The following FRMPD4 variants were observed in gnomAD, a reference collection of about 807,000 sequenced individuals.
FRMPD4 encodes FERM and PDZ domain containing 4.
Under a neutral mutation model 94.1 loss-of-function variants are expected in FRMPD4, and 22 were observed. The ratio of observed to expected loss-of-function variants is 0.23; its 90% confidence interval spans 0.17 to 0.33. The LOEUF (loss-of-function observed/expected upper bound fraction) is 0.33, where lower values mean the gene tolerates loss of function less well. Ranked by LOEUF, FRMPD4 falls within the 10% of genes least tolerant of loss-of-function variation. The probability of loss-of-function intolerance (pLI) is 1.00; values close to 1 mark genes in which losing one functional copy is unlikely to be tolerated. For missense variants in FRMPD4, 1,111 were observed against 1,339.9 expected, an observed-to-expected ratio of 0.83 and a Z score of 2.67; for synonymous variants, 631 against 548.6, an observed-to-expected ratio of 1.15 and a Z score of -2.10.
At chrX:12,068,402 T>C (rs1352312031) in intron 3 of FRMPD4, among the ~76,000 whole-genome samples, 1 of 112,181 alleles carries the variant, frequency 8.9e-6, no homozygotes, top group African/African-American at 3.2e-5. Flanking sequence ...GAAAGCTACT[T>C]TTCTCTGATT....
At chrX:12,165,189 C>A (rs2056093992) in intron 1 of FRMPD4, among the ~76,000 whole-genome samples, 2 of 112,193 alleles carry the variant, frequency 1.8e-5, no homozygotes, top group African/African-American at 6.5e-5. Flanking sequence ...TTAGGTCTAA[C>A]ATGTAAGTCT....
chrX:12,680,342 C>A (rs1208180293), intron 5 of FRMPD4, among the ~76,000 whole-genome samples: 1 of 112,314 alleles, frequency 8.9e-6, no homozygotes. Flanking sequence ...CTACAGGTTG[C>A]TCAGAATTAA....
chrX:12,083,575 C>A (rs1191251851), intron 3 of FRMPD4, among the ~76,000 whole-genome samples: 1 of 112,290 alleles, frequency 8.9e-6, no homozygotes, highest in Non-Finnish European at 1.9e-5. Context: ...ATCCTCCAGA[C>A]CCCAGAATGG....
chrX:12,637,545 G>A (rs2059454295), intron 4 of FRMPD4, among the ~76,000 whole-genome samples: 1 of 111,096 alleles, frequency 9.0e-6, no homozygotes, highest in African/African-American at 3.3e-5. Context: ...AGCCAAGTGT[G>A]ATGGTATGCC....
Position 12,720,896 on chromosome X carries a change from C to T in FRMPD4, c.4327C>T (p.Arg1443Ter). The T allele has an allele frequency of 1.2e-6, 1 of 838,518 alleles. No individual in the cohort carries two copies. Among genetic ancestry groups the T allele is most frequent in the Non-Finnish European group, 1.4e-6 (1 of 691,726 alleles). The allele number at this position is 838,518 out of a possible 1,213,427, so 69.1% of individuals were successfully genotyped here. Residue 1443 changes from arginine (R) to a stop codon, truncating the protein, a stop_gained, in exon 17 of 17, where the codon CGA (arginine) becomes TGA (stop). Coordinates refer to ENST00000675598, the MANE Select transcript of FRMPD4 (RefSeq NM_001368397.1). LOFTEE classifies it high-confidence loss of function. ...AGCACAGGAGGCCAGTTCTGAAAGG[C>T]GAGCAGAACTCCCCCTGGGGAGGAA... ...TEAQEASSER[R>*]AELPLGRKLT...
chrX:12,435,285 C>A (rs2057052681), intron 1 of FRMPD4, among the ~76,000 whole-genome samples: 1 of 111,501 alleles, frequency 9.0e-6, no homozygotes, highest in African/African-American at 3.3e-5. Flanking sequence ...TTATTTCTTC[C>A]TTTACAATCC....
chrX:12,226,357 C>T (rs1253724732), intron 1 of FRMPD4, among the ~76,000 whole-genome samples: 1 of 111,591 alleles, frequency 9.0e-6, no homozygotes, highest in Non-Finnish European at 1.9e-5. Flanking sequence ...AAACTTGGCT[C>T]AATGTCAAAA....
intron 3 of FRMPD4, among the ~76,000 whole-genome samples, chrX:12,008,506 T>C (rs2054565445): frequency 8.9e-6 from 1 of 112,694 alleles, no homozygotes; most frequent in African/African-American, 3.2e-5. Flanking sequence ...ATCTCAAATA[T>C]ATGTGCCTTT....
chrX:12,416,014 C>T (rs900952459), intron 1 of FRMPD4, among the ~76,000 whole-genome samples: 40 of 111,957 alleles, frequency 3.6e-4, no homozygotes, highest in African/African-American at 1.2e-3. Context: ...AGAACTAGTC[C>T]GTCTCCTGCA....
At chrX:12,472,430 CTTG>C (rs1201938875) in intron 1 of FRMPD4, among the ~76,000 whole-genome samples, 4 of 112,375 alleles carry the variant, frequency 3.6e-5, no homozygotes, top group African/African-American at 3.2e-5. Context: ...GTAAAAATAT[CTTG>C]TTGTGGGGTC....
chrX:12,095,963 C>G (rs771737520), intron 3 of FRMPD4, among the ~76,000 whole-genome samples: 1 of 112,011 alleles, frequency 8.9e-6, no homozygotes, highest in African/African-American at 3.2e-5. Context: ...ATCTCAGGAT[C>G]TCTGCCTTTC....
At chrX:11,901,300 C>T (rs1190161626) in intron 3 of FRMPD4, among the ~76,000 whole-genome samples, 1 of 111,877 alleles carries the variant, frequency 8.9e-6, no homozygotes, top group Non-Finnish European at 1.9e-5. Context: ...CATTCTTATG[C>T]CTTTGCATCC....
chrX:12,650,474 T>C (rs1159664157), intron 4 of FRMPD4, among the ~76,000 whole-genome samples: 1 of 112,210 alleles, frequency 8.9e-6, no homozygotes, highest in South Asian at 3.8e-4. Flanking sequence ...GTTTAATGAA[T>C]TCCAACGGTC....
chrX:12,241,521 C>T (rs1474179825), intron 1 of FRMPD4, among the ~76,000 whole-genome samples: 1 of 112,109 alleles, frequency 8.9e-6, no homozygotes, highest in African/African-American at 3.2e-5. Context: ...GCAGCCTGAC[C>T]CCTGACTGGG....
intron 3 of FRMPD4, among the ~76,000 whole-genome samples, chrX:11,941,600 G>T (rs1047846588): frequency 1.8e-5 from 2 of 112,125 alleles, no homozygotes; most frequent in Non-Finnish European, 3.8e-5. Flanking sequence ...AAATACTTCA[G>T]CCTCAAGTAC....
rs114689304 is a variant in FRMPD4, at chrX:11,880,119, G to A, written c.95+2101G>A. On this transcript the variant is annotated intron_variant, in intron 3 of 18. Coordinates refer to the FRMPD4 transcript ENST00000640291. ...GCAGCTAGTTCCTTTGCCAAGTAAAGCAGGTACATGGAATGGTTAGGACCG... is the reference window on the plus strand; with the variant it reads ...GCAGCTAGTTCCTTTGCCAAGTAAAACAGGTACATGGAATGGTTAGGACCG... Among the ~76,000 whole-genome samples, 312 of 111,888 alleles carry A rather than the reference G, an allele frequency of 2.8e-3. 2 individuals carry two copies. The highest frequency in any genetic ancestry group is 9.3e-3 in the African/African-American group (285 of 30,792).
At chrX:11,865,786 A>G (rs1473364862) in intron 2 of FRMPD4, among the ~76,000 whole-genome samples, 2 of 111,919 alleles carry the variant, frequency 1.8e-5, no homozygotes, top group Non-Finnish European at 3.8e-5. Flanking sequence ...TTGTTTTTCT[A>G]AATGGATATC....
intron 1 of FRMPD4, among the ~76,000 whole-genome samples, chrX:11,824,351 T>C (rs2053428565): frequency 8.9e-6 from 1 of 111,844 alleles, no homozygotes; most frequent in African/African-American, 3.3e-5. Context: ...ATCGGAGCCA[T>C]TAGCATGTAG....
intron 3 of FRMPD4, among the ~76,000 whole-genome samples, chrX:12,105,101 C>G (rs1044906295): frequency 1.8e-5 from 2 of 111,544 alleles, no homozygotes; most frequent in Non-Finnish European, 3.8e-5. Context: ...TTTCCTCACA[C>G]TTACGACTCC....
Sources: gnomAD v4.1 joint callset for allele counts (sites outside exome capture counted in the v4.1 genomes callset) on GRCh38, gnomAD v4.1.1 for gene constraint, MANE v1.5 for transcripts, NCBI Gene and HGNC (gene_info 2026-07-23, HGNC 2026-07-21) for gene names.